STK3: variants seen among roughly 807,000 people sequenced by gnomAD.
The protein encoded by STK3 is serine/threonine-protein kinase 3.
In STK3, 41 loss-of-function variants were observed where a neutral mutation model predicts 58.0. That is an observed-to-expected ratio of 0.71 (90% CI 0.55 to 0.92). The LOEUF (loss-of-function observed/expected upper bound fraction) is 0.92, where lower values mean the gene tolerates loss of function less well. STK3 is among the 40% of genes least tolerant of loss of function. The pLI is 0.00. For missense variants in STK3, 479 were observed against 602.7 expected, an observed-to-expected ratio of 0.79 and a Z score of 2.15; for synonymous variants, 170 against 191.0, an observed-to-expected ratio of 0.89 and a Z score of 0.91.
At chr8:98,586,956 T>C (rs1168965756) in intron 7 of STK3, among the ~76,000 whole-genome samples, 1 of 152,074 alleles carries the variant, frequency 6.6e-6, no homozygotes, top group Non-Finnish European at 1.5e-5. Context: ...CCCTTTATCA[T>C]TTTTTATTGC....
chr8:98,551,662 C>A (rs1450688780), intron 8 of STK3, among the ~76,000 whole-genome samples: 2 of 152,160 alleles, frequency 1.3e-5, no homozygotes, highest in Non-Finnish European at 2.9e-5. Flanking sequence ...CAACCACAGA[C>A]TGGCGCACAA....
At chr8:98,541,300 C>T (rs1426869082) in intron 9 of STK3, among the ~76,000 whole-genome samples, 2 of 152,120 alleles carry the variant, frequency 1.3e-5, no homozygotes, top group African/African-American at 2.4e-5. Context: ...TTAGCACCAT[C>T]CCCCTAGTGC....
chr8:98,457,653 G>T (rs1586605820), intron 10 of STK3, among the ~76,000 whole-genome samples: 1 of 152,034 alleles, frequency 6.6e-6, no homozygotes, highest in Admixed American at 6.6e-5. Flanking sequence ...CATACACCAA[G>T]AAACTATCCT....
intron 10 of STK3, among the ~76,000 whole-genome samples, chr8:98,504,109 CT>C (rs1200235440): frequency 6.6e-6 from 1 of 152,192 alleles, no homozygotes; most frequent in Admixed American, 6.5e-5. Flanking sequence ...ATAGTTAGCT[CT>C]TCTTGTTGAA....
In STK3 at chr8:98,675,033, T is replaced by C. The variant is rs560751514; in HGVS notation, c.684+31434A>G. Among the ~76,000 whole-genome samples the C allele has an allele frequency of 2.6e-5, 4 of 152,334 alleles. No individual in the cohort carries two copies. The South Asian group carries it at 8.3e-4, about 32-fold the overall frequency. ...AGTCAAAGAATTGTGGCATGATGCA[T>C]GTAGCCTTCACTGTTTCAAAAGCAC... On this transcript the variant is annotated intron_variant, in intron 6 of 10. Transcript: ENST00000419617.
chr8:98,925,059 A>C (rs1456313029), intron 1 of STK3, among the ~76,000 whole-genome samples: 5 of 152,240 alleles, frequency 3.3e-5, no homozygotes, highest in Non-Finnish European at 5.9e-5. Flanking sequence ...AATGAGAATG[A>C]TGTTAAAGTC....
At chr8:98,390,429 T>C (rs1405880487), upstream of STK3, among the ~76,000 whole-genome samples, 1 of 152,164 alleles carries the variant, frequency 6.6e-6, no homozygotes, top group Non-Finnish European at 1.5e-5. Context: ...TAGTATGTTG[T>C]TTTTCTCTAA....
chr8:98,772,607 C>T (rs1480239293), intron 2 of STK3, among the ~76,000 whole-genome samples: 1 of 152,036 alleles, frequency 6.6e-6, no homozygotes, highest in Non-Finnish European at 1.5e-5. Flanking sequence ...GTTGAGGCAA[C>T]AGAATCCCTT....
In STK3 at chr8:98,669,755, T is replaced by C. The variant is rs183128333; in HGVS notation, c.684+36712A>G. ...AAAGTATCAGTCCCTACAACACTTG[T>C]GTCAAACAAATCTGTTTCTCCTTTC... On this transcript the variant is annotated intron_variant, in intron 6 of 10. Transcript: ENST00000419617. Among the ~76,000 whole-genome samples the C allele has an allele frequency of 7.2e-4, 109 of 152,352 alleles. 1 individual carries two copies. The highest frequency in any genetic ancestry group is 2.6e-3 in the African/African-American group (107 of 41,584).
chr8:98,896,187 C>G (rs1051453784), intron 1 of STK3, among the ~76,000 whole-genome samples: 1 of 152,082 alleles, frequency 6.6e-6, no homozygotes, highest in African/African-American at 2.4e-5. Flanking sequence ...CAACAGTACC[C>G]TAACACCCCT....
chr8:98,411,134 C>G (rs1472721222), intron 3 of STK3, among the ~76,000 whole-genome samples: 1 of 152,224 alleles, frequency 6.6e-6, no homozygotes, highest in South Asian at 2.1e-4. Context: ...GCCTTTTCAG[C>G]TCTTGCATAG....
At chr8:98,878,895 C>CA (rs1837677155), downstream of STK3, 1 of 108,626 alleles carries the variant, frequency 9.2e-6, no homozygotes, top group East Asian at 2.9e-4. Context: ...TTTCTTTTTT[C>CA]TTTTTTTTTT....
intron 6 of STK3, among the ~76,000 whole-genome samples, chr8:98,699,232 T>C (rs901251948): frequency 6.6e-6 from 1 of 152,100 alleles, no homozygotes; most frequent in African/African-American, 2.4e-5. Flanking sequence ...TAAGCACTTC[T>C]CTGTATTGGT....
At chr8:98,829,421 A>G (rs902674798), upstream of STK3, among the ~76,000 whole-genome samples, 1 of 152,212 alleles carries the variant, frequency 6.6e-6, no homozygotes, top group Admixed American at 6.5e-5. Flanking sequence ...CCCATAAAGA[A>G]TTGTGGAAGT....
At chr8:98,733,921 A>T (rs1408521908) in intron 4 of STK3, among the ~76,000 whole-genome samples, 2 of 152,220 alleles carry the variant, frequency 1.3e-5, no homozygotes, top group Non-Finnish European at 2.9e-5. Context: ...AATTTAGAAG[A>T]AAAGAGATTT....
At chr8:98,837,503 A>G (rs1268720976) in intron 3 of STK3, among the ~76,000 whole-genome samples, 1 of 152,228 alleles carries the variant, frequency 6.6e-6, no homozygotes, top group African/African-American at 2.4e-5. Context: ...AGATCTCTCA[A>G]AACACAGCAA....
chr8:98,817,956 C>T, intron 1 of STK3, among the ~76,000 whole-genome samples: 1 of 152,166 alleles, frequency 6.6e-6, no homozygotes, highest in East Asian at 1.9e-4. Context: ...CCATGGCCGG[C>T]ATCATTGAAT....
intron 3 of STK3, among the ~76,000 whole-genome samples, chr8:98,756,590 A>G (rs905029057): frequency 6.6e-6 from 1 of 152,258 alleles, no homozygotes; most frequent in Non-Finnish European, 1.5e-5. Context: ...ATTGTAGGGA[A>G]GCAAATGTGA....
rs1819641780 is a variant in STK3 at position 98,636,639 on chromosome 8, T to C, written c.685-40470A>G. On this transcript the variant is annotated intron_variant, in intron 6 of 10. Transcript: ENST00000419617. Reference sequence around the variant, plus strand: ...TCTAAGCTGTTTATAGTTATTGTACTGGCAGTGTCCTATTACAAGAGTATA... The same window carrying C: ...TCTAAGCTGTTTATAGTTATTGTACCGGCAGTGTCCTATTACAAGAGTATA... Among the ~76,000 whole-genome samples, 3 of 152,290 alleles carry C rather than the reference T, an allele frequency of 2.0e-5. No homozygotes were observed. In the South Asian group the frequency reaches 6.2e-4, roughly 32 times the overall value.
Sources: allele counts gnomAD v4.1 joint callset (sites outside exome capture counted in the v4.1 genomes callset), GRCh38; gene constraint gnomAD v4.1.1; transcripts MANE v1.5; gene names NCBI Gene and HGNC (gene_info 2026-07-23, HGNC 2026-07-21).